The following MYRFL variants were observed in gnomAD, a reference collection of about 807,000 sequenced individuals.
MYRFL encodes the protein myelin regulatory factor like, also known as myelin regulatory factor-like protein.
In MYRFL, 88 loss-of-function variants were observed where a neutral mutation model predicts 109.4. That is an observed-to-expected ratio of 0.80 (90% CI 0.68 to 0.96). The LOEUF (loss-of-function observed/expected upper bound fraction) is 0.96, where lower values mean the gene tolerates loss of function less well. Among genes scored for constraint, MYRFL ranks in the 40% least tolerant of loss-of-function variants. The probability of loss-of-function intolerance (pLI) is 0.00; values close to 1 mark genes in which losing one functional copy is unlikely to be tolerated. For synonymous variants in MYRFL, 324 were observed against 320.9 expected (o/e 1.01, Z -0.10); for missense variants, 957 against 954.9 (o/e 1.00, Z -0.03).
intron 1 of MYRFL, among the ~76,000 whole-genome samples, chr12:69,831,405 A>G (rs943759755): frequency 6.6e-6 from 1 of 152,112 alleles, no homozygotes; most frequent in Non-Finnish European, 1.5e-5. Context: ...CTGATCTACA[A>G]CCTAACTAAT....
chr12:69,862,636 A>G (rs1289879315), intron 2 of MYRFL, among the ~76,000 whole-genome samples: 1 of 151,616 alleles, frequency 6.6e-6, no homozygotes, highest in Non-Finnish European at 1.5e-5. Flanking sequence ...TTATCAGCTT[A>G]AGGAGATTTT....
At chr12:69,924,821 A>G (rs1412068433) in intron 13 of MYRFL, among the ~76,000 whole-genome samples, 1 of 152,192 alleles carries the variant, frequency 6.6e-6, no homozygotes, top group Non-Finnish European at 1.5e-5. Flanking sequence ...TGAAGCAAAC[A>G]TAGGCCTCAG....
chr12:69,891,143 T>C lies in MYRFL; in HGVS notation c.880T>C (p.Tyr294His). ...EMGLKPIEMF[Y>H]LKVFGTKVEA... is the part of the protein sequence containing the mutation. ...GGGCCTAAAGCCAATAGAAATGTTT[T>C]ACTTGAAAGTTTTTGGCACTAAGGT... Residue 294 changes from tyrosine to histidine, a missense_variant, in exon 7 of 25, where the codon TAC (tyrosine) becomes CAC (histidine). Tyr to His is a moderately conservative substitution (Grantham distance 83, BLOSUM62 2). Transcript: ENST00000552032. The C allele has an allele frequency of 6.6e-7, 1 of 1,519,494 alleles. No homozygotes were observed. Among genetic ancestry groups the C allele is most frequent in the South Asian group, 1.3e-5 (1 of 79,948 alleles). The allele number at this position is 1,519,494 out of a possible 1,614,324, so 94.1% of individuals were successfully genotyped here. A position where few individuals can be genotyped will look rare whatever the true frequency, so the allele number is the denominator to read the frequency against.
intron 20 of MYRFL, among the ~76,000 whole-genome samples, chr12:69,952,491 G>A (rs1956003520): frequency 1.3e-5 from 2 of 152,114 alleles, no homozygotes. Context: ...ATTTCATGTT[G>A]CACCTCCATT....
chr12:69,933,512 G>A (rs1333570206), intron 16 of MYRFL, among the ~76,000 whole-genome samples: 3 of 152,170 alleles, frequency 2.0e-5, no homozygotes, highest in Non-Finnish European at 4.4e-5. Context: ...AAAGCAAGCT[G>A]TGGTCTCAAG....
At chr12:69,915,341 T>C (rs1189001658) in intron 13 of MYRFL, among the ~76,000 whole-genome samples, 1 of 152,160 alleles carries the variant, frequency 6.6e-6, no homozygotes, top group East Asian at 1.9e-4. Flanking sequence ...CATTCTTCAC[T>C]CCATTTCTGT....
intron 19 of MYRFL, among the ~76,000 whole-genome samples, chr12:69,937,106 T>A (rs566407473): frequency 1.4e-4 from 22 of 152,162 alleles, no homozygotes; most frequent in African/African-American, 5.3e-4. Flanking sequence ...CAGAATAACT[T>A]TCCTCTTCCT....
chr12:69,885,191 G>A (rs1334211316), intron 5 of MYRFL, among the ~76,000 whole-genome samples: 1 of 152,092 alleles, frequency 6.6e-6, no homozygotes, highest in Non-Finnish European at 1.5e-5. Context: ...TCCACTTCCT[G>A]TATTTGTAGC....
In MYRFL at chr12:69,933,700, C is replaced by T. The variant is rs1321687784; in HGVS notation, c.1916+1102C>T. Among the ~76,000 whole-genome samples the T allele has an allele frequency of 2.6e-5, 4 of 152,172 alleles. No homozygotes were observed. In the East Asian group the frequency reaches 7.7e-4, roughly 29 times the overall value. On this transcript the variant is annotated intron_variant, in intron 16 of 24. Transcript: ENST00000552032. ...TAGAAACCTTTGCACTTTTCTTAGT[C>T]TCCCAAGTGTGCCTGTCTTCTCCTG...
At chr12:69,934,304 A>G (rs1431932967) in intron 16 of MYRFL, among the ~76,000 whole-genome samples, 1 of 152,198 alleles carries the variant, frequency 6.6e-6, no homozygotes, top group Non-Finnish European at 1.5e-5. Flanking sequence ...AGCAATCTCC[A>G]TGCAGGGCTC....
chr12:69,917,524 G>A (rs965558306), intron 13 of MYRFL, among the ~76,000 whole-genome samples: 8 of 150,724 alleles, frequency 5.3e-5, no homozygotes, highest in African/African-American at 1.9e-4. Flanking sequence ...AACAAATATT[G>A]GTAACATGAA....
intron 2 of MYRFL, among the ~76,000 whole-genome samples, chr12:69,864,427 C>T (rs1884887009): frequency 6.6e-6 from 1 of 151,944 alleles, no homozygotes. Context: ...CTGTCATCTC[C>T]ATTCTGTTAT....
At chr12:69,918,233 A>G (rs1358269090) in intron 13 of MYRFL, among the ~76,000 whole-genome samples, 2 of 152,210 alleles carry the variant, frequency 1.3e-5, no homozygotes, top group Non-Finnish European at 2.9e-5. Flanking sequence ...GTGCCCTCGC[A>G]TCACTGCTAT....
Position 69,897,218 on chromosome 12 carries a change from C to T in MYRFL, c.1154C>T (p.Ala385Val). The T allele has an allele frequency of 6.5e-7, 1 of 1,535,752 alleles. No homozygotes were observed. The highest frequency in any genetic ancestry group is 8.7e-7 in the Non-Finnish European group (1 of 1,146,594). ...ANQDQFYLLS[A>V]HISERIIVRA... ...CAAGACCAGTTCTATCTGTTGTCTG[C>T]CCACATCTCTGAAAGGATCATTGTA... The change falls in exon 10 of 25, where the codon GCC becomes GTC. Residue 385 changes from alanine to valine, a missense_variant. Physicochemically the swap from Ala to Val is moderately conservative, Grantham distance 64. Transcript: ENST00000552032.
intron 1 of MYRFL, 51 bp from the exon 2 acceptor site, chr12:69,855,229 G>T: frequency 1.5e-6 from 1 of 688,694 alleles, no homozygotes. Context: ...TTTAGCCATT[G>T]GCCATACTGA....
chr12:69,846,328 A>C (rs1883542163), intron 1 of MYRFL, among the ~76,000 whole-genome samples: 1 of 150,066 alleles, frequency 6.7e-6, no homozygotes, highest in South Asian at 2.1e-4. Flanking sequence ...TCCTAAAGCT[A>C]TCCCTCCCCC....
At chr12:69,848,387 A>G (rs1387709096) in intron 1 of MYRFL, among the ~76,000 whole-genome samples, 1 of 151,994 alleles carries the variant, frequency 6.6e-6, no homozygotes, top group Non-Finnish European at 1.5e-5. Context: ...ACATCTTTAT[A>G]CTATTGCCTT....
chr12:69,952,293 G>A (rs1955997030), intron 20 of MYRFL, 118 bp downstream of exon 20: 2 of 843,162 alleles, frequency 2.4e-6, no homozygotes, highest in Non-Finnish European at 1.9e-6. Flanking sequence ...TGCCTGCCAC[G>A]CATATCCATG....
intron 13 of MYRFL, among the ~76,000 whole-genome samples, chr12:69,911,714 G>A (rs948279016): frequency 6.6e-6 from 1 of 152,194 alleles, no homozygotes; most frequent in South Asian, 2.1e-4. Context: ...GTTTGCAAAT[G>A]CACTCTGATG....
Sources: gnomAD v4.1 joint callset for allele counts (sites outside exome capture counted in the v4.1 genomes callset) on GRCh38, gnomAD v4.1.1 for gene constraint, MANE v1.5 for transcripts, NCBI Gene and HGNC (gene_info 2026-07-23, HGNC 2026-07-21) for gene names.